Variants in SMG1 observed in about 807,000 individuals in gnomAD.
SMG1 encodes the protein SMG1 nonsense mediated mRNA decay associated PI3K related kinase, also known as serine/threonine-protein kinase SMG1.
Under a neutral mutation model 419.9 loss-of-function variants are expected in SMG1, and 22 were observed. The ratio of observed to expected loss-of-function variants is 0.05; its 90% CI spans 0.04 to 0.07. The LOEUF (loss-of-function observed/expected upper bound fraction) is 0.07, where lower values mean the gene tolerates loss of function less well. Among genes scored for constraint, SMG1 ranks in the 10% least tolerant of loss-of-function variants. The pLI is 1.00. For synonymous variants in SMG1, 1,538 were observed against 1,553.5 expected (o/e 0.99, Z 0.23); for missense variants, 3,185 against 4,342.0 (o/e 0.73, Z 7.49).
chr16:18,925,907 G>A, intron 1 of SMG1, 43 bp downstream of exon 1: 2 of 1,445,992 alleles, frequency 1.4e-6, no homozygotes, highest in Non-Finnish European at 9.3e-7. Context: ...CGCCCGAGGC[G>A]GAGCCCGGGA....
chr16:18,898,835 T>C (rs2037236048), intron 1 of SMG1, among the ~76,000 whole-genome samples: 1 of 152,300 alleles, frequency 6.6e-6, no homozygotes, highest in South Asian at 2.1e-4. Flanking sequence ...GACACAGTAG[T>C]ACCATAAGGC....
intron 1 of SMG1, among the ~76,000 whole-genome samples, chr16:18,901,149 T>G (rs34689359): frequency 0.31 from 46,380 of 151,900 alleles, 7,822 homozygotes; most frequent in Non-Finnish European, 0.38. Flanking sequence ...TTAATATAAT[T>G]TATCGGTAAA....
At chr16:18,867,530 T>A (rs1273785896) in intron 22 of SMG1, among the ~76,000 whole-genome samples, 3 of 51,476 alleles carry the variant, frequency 5.8e-5, no homozygotes, top group African/African-American at 1.2e-4. Context: ...TCTCAAAAAA[T>A]AAATAAATAA....
intron 1 of SMG1, among the ~76,000 whole-genome samples, chr16:18,897,893 C>CT (rs1277079355): frequency 2.0e-5 from 3 of 148,744 alleles, no homozygotes; most frequent in Non-Finnish European, 4.4e-5. Flanking sequence ...AGAGGAACAA[C>CT]TTTGAGAAAA....
At chr16:18,851,815 T>C (rs987348506) in intron 33 of SMG1, among the ~76,000 whole-genome samples, 12 of 152,172 alleles carry the variant, frequency 7.9e-5, no homozygotes, top group Admixed American at 2.6e-4. Context: ...AGTGCTGGGA[T>C]TACAGGTGTG....
Position 18,838,048 on chromosome 16 carries a change from C to A in SMG1, c.7379G>T (p.Arg2460Leu). ...SKREMEREITRSLFSSRVAEI... is the reference protein window; with the variant it reads ...SKREMEREITLSLFSSRVAEI... ...AGCTACTCTAGAAGAAAACAGGCTG[C>A]GGGTGATCTCTCGCTCCATCTCTCT... The change falls in exon 45 of 63, where the codon CGC becomes CTC. Residue 2460 changes from arginine to leucine, a missense_variant. By Grantham distance (102) the Arg-to-Leu change is moderately radical (BLOSUM62 -2). This residue lies in a region of SMG1 where 412 missense variants were observed against 546.6 expected (regional missense o/e 0.75). Coordinates refer to ENST00000446231, the MANE Select transcript of SMG1 (RefSeq NM_015092.5). The A allele has an allele frequency of 6.2e-7, 1 of 1,613,944 alleles. No homozygotes were observed. The highest frequency in any genetic ancestry group is 8.5e-7 in the Non-Finnish European group (1 of 1,179,878).
At chr16:18,816,711 G>A (rs1167041385) in intron 57 of SMG1, among the ~76,000 whole-genome samples, 182 bp from the exon 58 acceptor site, 1 of 152,170 alleles carries the variant, frequency 6.6e-6, no homozygotes, top group East Asian at 1.9e-4. Flanking sequence ...ATGAAATATA[G>A]ATGAAGATTT....
chr16:18,895,281 C>T (rs2037072947), intron 3 of SMG1, among the ~76,000 whole-genome samples: 1 of 151,922 alleles, frequency 6.6e-6, no homozygotes, highest in Admixed American at 6.6e-5. Context: ...GAGTTCGAGA[C>T]CAGCCTGGCC....
intron 55 of SMG1, among the ~76,000 whole-genome samples, chr16:18,827,334 G>A (rs957222470): frequency 2.5e-4 from 38 of 151,776 alleles, no homozygotes; most frequent in African/African-American, 8.7e-4. Flanking sequence ...GCTGAGGCAG[G>A]AGAATCGCTT....
In SMG1 at chr16:18,815,201, G is replaced by C. The variant is rs200010828; in HGVS notation, c.10595C>G (p.Ala3532Gly). 1.2e-5 allele frequency: 19 copies of C among 1,594,218 alleles called. No individual in the cohort carries two copies. In the African/African-American group the frequency reaches 2.0e-4, roughly 17 times the overall value. Residue 3532 changes from alanine (A) to glycine (G), a missense_variant, in exon 60 of 63, where the codon GCT becomes GGT. Transcript: ENST00000446231. ...TNECSSPTSS[A>G]TYQPSFAAAV... ...TGCAGCGAAGGATGGCTGATAAGTA[G>C]CAGATGACGTTGGACTCGAACATTC...
chr16:18,888,520 G>A (rs2036738150), intron 6 of SMG1, among the ~76,000 whole-genome samples: 1 of 151,096 alleles, frequency 6.6e-6, no homozygotes, highest in Non-Finnish European at 1.5e-5. Context: ...CTGTTGCCCA[G>A]GCAATGGTGT....
rs1166367058 is a variant in SMG1, at chr16:18,837,267, A to C, written c.7590T>G (p.His2530Gln). 2.5e-6 allele frequency: 4 copies of C among 1,613,596 alleles called. No homozygotes were observed. The African/African-American group carries it at 5.3e-5, about 22-fold the overall frequency. The change falls in exon 46 of 63, where the codon CAT becomes CAG. Residue 2530 changes from histidine (H) to glutamine (Q), a missense_variant. Around this residue, in one of 27 missense-constraint regions of SMG1, gnomAD observed 412 missense variants for 546.6 expected, o/e 0.75. Coordinates refer to ENST00000446231, the MANE Select transcript of SMG1 (RefSeq NM_015092.5). ...CTGTTTTAAACCTGTGTTGCAGAGT[A>C]TGAGAAGGATGATCCACCCCTTCAG... is the stretch of plus-strand genomic sequence containing the variant. The part of the protein sequence containing the change: ...EGAEGVDHPS[H>Q]TLQHRYSEHT...
intron 20 of SMG1, 49 bp downstream of exon 20, chr16:18,869,055 C>G (rs1205767294): frequency 4.1e-6 from 6 of 1,475,784 alleles, no homozygotes; most frequent in Non-Finnish European, 5.7e-6. Context: ...TCCAGTATTT[C>G]TTAATAAGGC....
At chr16:18,832,807 G>A (rs1391422078) in intron 51 of SMG1, 133 bp downstream of exon 51, 9 of 754,960 alleles carry the variant, frequency 1.2e-5, no homozygotes, top group Non-Finnish European at 2.0e-5. Flanking sequence ...AAAAAGATAC[G>A]TGTATGAGCA....
chr16:18,923,439 T>TC (rs2038273115), intron 1 of SMG1, among the ~76,000 whole-genome samples: 1 of 151,434 alleles, frequency 6.6e-6, no homozygotes, highest in South Asian at 2.1e-4. Flanking sequence ...GAGTCAGGAG[T>TC]CCAAGAACAG....
intron 23 of SMG1, chr16:18,866,307 A>T: frequency 2.6e-6 from 1 of 387,396 alleles, no homozygotes; most frequent in Non-Finnish European, 4.8e-6. Flanking sequence ...CTCTGACAAT[A>T]AAGGGTAATT....
chr16:18,840,232 T>C (rs2033836346), intron 41 of SMG1, among the ~76,000 whole-genome samples: 1 of 152,246 alleles, frequency 6.6e-6, no homozygotes. Context: ...AGTTACTTTC[T>C]TCTTTATAAT....
chr16:18,852,488 T>A, intron 31 of SMG1, 26 bp from the exon 32 acceptor site: 2 of 1,470,330 alleles, frequency 1.4e-6, no homozygotes, highest in South Asian at 2.8e-5. Flanking sequence ...AAAAAATAAT[T>A]ATAATAAAAG....
chr16:18,845,223 G>A lies in SMG1; in HGVS notation c.6219+206C>T, dbSNP rs540139137. Among the ~76,000 whole-genome samples the A allele has an allele frequency of 1.1e-4, 16 of 152,250 alleles. 1 individual carries two copies. The highest frequency in any genetic ancestry group is 7.2e-4 in the Admixed American group (11 of 15,290). On this transcript the variant is annotated intron_variant, in intron 39 of 62. Coordinates refer to ENST00000446231, the MANE Select transcript of SMG1 (RefSeq NM_015092.5). ...ACATGAAAGATTGGGCACCTTTGCC[G>A]TCCATCCCCCTTTGCCCACTGATTT...
Sources: allele counts gnomAD v4.1 joint callset (sites outside exome capture counted in the v4.1 genomes callset), GRCh38; gene constraint gnomAD v4.1.1; regional missense constraint gnomAD v4.1.1; transcripts MANE v1.5; gene names NCBI Gene and HGNC (gene_info 2026-07-23, HGNC 2026-07-21).